Variants in PIGN observed in about 807,000 individuals in gnomAD.
PIGN encodes the protein phosphatidylinositol glycan anchor biosynthesis class N.
A neutral mutation model predicts 125.4 loss-of-function variants in PIGN; 117 were observed. The observed-to-expected ratio is 0.93, with a 90% CI of 0.80 to 1.09. The LOEUF is 1.09. PIGN is among the 50% of genes least tolerant of loss of function. The pLI is 0.00. For missense variants in PIGN, 1,075 were observed against 1,094.9 expected, an observed-to-expected ratio of 0.98 and a Z score of 0.26; for synonymous variants, 392 against 377.8, an observed-to-expected ratio of 1.04 and a Z score of -0.44.
At chr18:62,154,333 G>T in intron 7 of PIGN, 1 of 495,318 alleles carries the variant, frequency 2.0e-6, no homozygotes, top group Non-Finnish European at 3.5e-6. Flanking sequence ...CCTAATCTAG[G>T]GCTCATTTTA....
At chr18:62,137,960 C>T (rs1397962039) in intron 14 of PIGN, 2 of 332,702 alleles carry the variant, frequency 6.0e-6, no homozygotes, top group African/African-American at 2.2e-5. Context: ...TTCCTGCCCC[C>T]ACACCTTCCT....
rs1024048402 is a variant in PIGN, at chr18:62,044,109, T to C, written c.*1747A>G. 6.6e-6 allele frequency: 1 copy of C among 152,166 alleles called. No homozygotes were observed. Among genetic ancestry groups the C allele is most frequent in the East Asian group, 1.9e-4 (1 of 5,200 alleles). The allele number at this position is 152,166 out of a possible 1,614,324, so 9.4% of individuals were successfully genotyped here. ...ACAAACTCCACAAACTCTATGATAC[T>C]GTCAGAAGGAAGTTCAACCTATTCT... On this transcript the variant is annotated 3_prime_UTR_variant, in exon 31 of 31. Coordinates refer to ENST00000640252, the MANE Select transcript of PIGN (RefSeq NM_176787.5).
chr18:62,079,157 T>G (rs753701508), intron 28 of PIGN, among the ~76,000 whole-genome samples: 23 of 152,216 alleles, frequency 1.5e-4, no homozygotes, highest in Admixed American at 2.6e-4. Context: ...TCCCTCCACC[T>G]GAGTGAACCA....
intron 14 of PIGN, among the ~76,000 whole-genome samples, chr18:62,132,114 CTT>C (rs2035762184): frequency 6.6e-6 from 1 of 151,970 alleles, no homozygotes; most frequent in African/African-American, 2.4e-5. Flanking sequence ...CAACAGTACT[CTT>C]TGATCTTTTA....
In PIGN at chr18:62,090,512, T is replaced by C; in HGVS notation, c.2247A>G (p.Glu749=). 1.2e-6 allele frequency: 2 copies of C among 1,610,670 alleles called. No individual in the cohort carries two copies. The highest frequency in any genetic ancestry group is 1.7e-6 in the Non-Finnish European group (2 of 1,178,304). ...AGCAAACACCAGATTGTTGTAGAGTTTCTTGTTCTATGTTTATCCAGACAA... is the reference window on the plus strand; with the variant it reads ...AGCAAACACCAGATTGTTGTAGAGTCTCTTGTTCTATGTTTATCCAGACAA... ...LMFVWINIEQ[E]TLQQSGVCCK... Residue 749 remains glutamate, a synonymous_variant, in exon 24 of 31, where the codon GAA becomes GAG. Coordinates refer to ENST00000640252, the MANE Select transcript of PIGN (RefSeq NM_176787.5).
In PIGN at chr18:62,043,781, C is replaced by T. The variant is rs2030471250; in HGVS notation, c.*2075G>A. Reference sequence around the variant, plus strand: ...TGGCCTTTTTTTGGTTCAATATTTTCACAACTTGTTCTGCCTATTTTAATT... The same window carrying T: ...TGGCCTTTTTTTGGTTCAATATTTTTACAACTTGTTCTGCCTATTTTAATT... On this transcript the variant is annotated 3_prime_UTR_variant, in exon 31 of 31. Transcript: ENST00000640252. 6.6e-6 allele frequency: 1 copy of T among 152,072 alleles called. No homozygotes were observed. The highest frequency in any genetic ancestry group is 2.4e-5 in the African/African-American group (1 of 41,410). 9.4% of individuals were successfully genotyped at this position (152,072 alleles called of 1,614,324 possible).
chr18:62,083,092 C>A (rs1269296504), intron 27 of PIGN, among the ~76,000 whole-genome samples: 1 of 151,984 alleles, frequency 6.6e-6, no homozygotes, highest in Admixed American at 6.6e-5. Flanking sequence ...GCACAGAATG[C>A]CCAAATCAAA....
intron 27 of PIGN, 83 bp downstream of exon 27, chr18:62,084,448 A>G: frequency 1.2e-6 from 1 of 850,530 alleles, no homozygotes. Flanking sequence ...TCTTCTTTCC[A>G]TTGCTACTTA....
intron 22 of PIGN, among the ~76,000 whole-genome samples, chr18:62,099,059 G>GTT (rs1336026814): frequency 6.6e-6 from 1 of 152,002 alleles, no homozygotes; most frequent in African/African-American, 2.4e-5. Context: ...ATTATGCAGT[G>GTT]TTTTATATGC....
chr18:62,180,629 T>C (rs1368649130), intron 1 of PIGN, among the ~76,000 whole-genome samples: 2 of 152,162 alleles, frequency 1.3e-5, no homozygotes, highest in African/African-American at 2.4e-5. Context: ...TATTGGCCAA[T>C]TGGGTCTCTC....
intron 28 of PIGN, 123 bp from the exon 29 acceptor site, chr18:62,074,944 C>T (rs2033095778): frequency 6.2e-6 from 4 of 643,322 alleles, no homozygotes; most frequent in Non-Finnish European, 1.1e-5. Context: ...TCTGAAAATA[C>T]AACTTTCAAA....
intron 1 of PIGN, among the ~76,000 whole-genome samples, chr18:62,180,656 A>G (rs1017375915): frequency 2.0e-5 from 3 of 152,076 alleles, no homozygotes; most frequent in Admixed American, 6.5e-5. Context: ...TCAACTGCCT[A>G]TTCATATCCT....
Position 62,071,379 on chromosome 18 carries a change from C to T in PIGN, c.2672+1294G>A, listed in dbSNP as rs537263044. ...TAGACTTAACATCTATCATCCTCCC[C>T]ACAGCATTCCATGTAAACATTTGCT... On this transcript the variant is annotated intron_variant, in intron 30 of 30. Coordinates refer to ENST00000640252, the MANE Select transcript of PIGN (RefSeq NM_176787.5). 8.5e-5 allele frequency among the ~76,000 whole-genome samples: 13 copies of T among 152,262 alleles called. No individual in the cohort carries two copies. The East Asian group carries it at 2.5e-3, about 29-fold the overall frequency.
chr18:62,166,968 G>C (rs1312451404), intron 1 of PIGN, among the ~76,000 whole-genome samples: 1 of 152,204 alleles, frequency 6.6e-6, no homozygotes, highest in Non-Finnish European at 1.5e-5. Flanking sequence ...TTAAAACCTA[G>C]ATGACAGGTT....
At position 62,140,447 on chromosome 18, in the gene PIGN, A is replaced by C. The variant is rs1060499763; in HGVS notation, c.996T>G (p.Ile332Met). The C allele has an allele frequency of 1.9e-6, 3 of 1,555,486 alleles. No homozygotes were observed. The highest frequency in any genetic ancestry group is 1.8e-6 in the Non-Finnish European group (2 of 1,137,728). ...CTGAGTTAAGAGGAAAGGGAACTCC[A>C]ATAAGGGAAGTCATCAATGGTGCAA... ...ADIAPLMTSLIGVPFPLNSVG... is the reference protein window; with the variant it reads ...ADIAPLMTSLMGVPFPLNSVG... The change falls in exon 12 of 31, where the codon ATT becomes ATG. Residue 332 changes from isoleucine (I) to methionine (M), a missense_variant. By Grantham distance (10) the Ile-to-Met change is conservative. Around this residue, in one of 3 missense-constraint regions of PIGN, gnomAD observed 915 missense variants for 908.7 expected, o/e 1.01. Transcript: ENST00000640252.
chr18:62,028,668 C>G (rs1042484140), intron 23 of PIGN, among the ~76,000 whole-genome samples: 3 of 152,192 alleles, frequency 2.0e-5, no homozygotes, highest in Admixed American at 2.0e-4. Flanking sequence ...TCTACATTTT[C>G]ACGTAGATCC....
In PIGN at chr18:62,161,358, A is replaced by T; in HGVS notation, c.-5T>A. On this transcript the variant is annotated 5_prime_UTR_variant, in exon 4 of 31. Transcript: ENST00000640252. ...CAAAGTAAAGAACAGCAGCATATCC[A>T]GTGTAACTAATTAGTCTTCAAGAAC... 1 of 1,597,594 alleles carries T rather than the reference A, an allele frequency of 6.3e-7. No individual in the cohort carries two copies. The highest frequency in any genetic ancestry group is 8.6e-7 in the Non-Finnish European group (1 of 1,167,156).
At chr18:62,039,729 A>C (rs74546967), downstream of PIGN, among the ~76,000 whole-genome samples, 1,320 of 21,060 alleles carry the variant, frequency 0.063, no homozygotes, top group Non-Finnish European at 0.1. Flanking sequence ...GGTGCCGCAC[A>C]TCATGTTTAG....
chr18:62,146,175 A>C, intron 9 of PIGN, 150 bp from the exon 10 acceptor site: 1 of 404,896 alleles, frequency 2.5e-6, no homozygotes, highest in Non-Finnish European at 4.4e-6. Flanking sequence ...CTTTTATGGC[A>C]ATTAGTTTGA....
Sources: allele counts gnomAD v4.1 joint callset (sites outside exome capture counted in the v4.1 genomes callset), GRCh38; gene constraint gnomAD v4.1.1; regional missense constraint gnomAD v4.1.1; transcripts MANE v1.5; gene names NCBI Gene and HGNC (gene_info 2026-07-23, HGNC 2026-07-21).